The following MTHFD1L variants were observed in gnomAD, a reference collection of about 807,000 sequenced individuals.
The protein encoded by MTHFD1L is monofunctional C1-tetrahydrofolate synthase, mitochondrial.
MTHFD1L carries 81 observed loss-of-function variants against 119.5 expected under a neutral mutation model. The observed-to-expected ratio is 0.68, with a 90% confidence interval of 0.57 to 0.82. The LOEUF is 0.82. MTHFD1L is among the 40% of genes least tolerant of loss of function. The pLI is 0.00. For missense variants in MTHFD1L, 1,125 were observed against 1,253.4 expected, an observed-to-expected ratio of 0.90 and a Z score of 1.55; for synonymous variants, 430 against 475.2, an observed-to-expected ratio of 0.90 and a Z score of 1.24.
At chr6:151,076,803 C>T (rs1028353490) in intron 26 of MTHFD1L, among the ~76,000 whole-genome samples, 11 of 152,086 alleles carry the variant, frequency 7.2e-5, no homozygotes, top group African/African-American at 2.7e-4. Flanking sequence ...GTGCACCTGC[C>T]ATATAGTCAA....
chr6:150,883,493 GT>G (rs1422428640), intron 5 of MTHFD1L, among the ~76,000 whole-genome samples: 1 of 152,266 alleles, frequency 6.6e-6, no homozygotes, highest in Admixed American at 6.5e-5. Flanking sequence ...TCTTCTAATA[GT>G]TTTTTCCTTG....
chr6:150,869,728 T>C (rs757775855), intron 1 of MTHFD1L, among the ~76,000 whole-genome samples: 4 of 152,066 alleles, frequency 2.6e-5, no homozygotes, highest in East Asian at 1.9e-4. Flanking sequence ...TCTCCGAGGA[T>C]TGGAGCAAAG....
chr6:150,888,898 G>A (rs1341723293), intron 7 of MTHFD1L, among the ~76,000 whole-genome samples: 2 of 152,230 alleles, frequency 1.3e-5, no homozygotes, highest in African/African-American at 4.8e-5. Flanking sequence ...TTAAAGGCCG[G>A]GCGTGGTGGC....
rs1786732057 is a variant in MTHFD1L at position 151,039,562 on chromosome 6, A to G, written c.2847+2445A>G. Among the ~76,000 whole-genome samples the G allele has an allele frequency of 6.6e-6, 1 of 152,116 alleles. No individual in the cohort carries two copies. Among genetic ancestry groups the G allele is most frequent in the Admixed American group, 6.5e-5 (1 of 15,274 alleles). ...TGCCACTGTGCCAGGCCTGTGTATA[A>G]TTTAATTATACCTCAGTTAACAAAA... On this transcript the variant is annotated intron_variant, in intron 26 of 27. Transcript: ENST00000367321. The surrounding 1 kb of genome is among the most constrained non-coding windows in gnomAD (Gnocchi z 4.4).
At chr6:151,016,340 T>A (rs1783047728) in intron 24 of MTHFD1L, among the ~76,000 whole-genome samples, 1 of 152,020 alleles carries the variant, frequency 6.6e-6, no homozygotes, top group Non-Finnish European at 1.5e-5. Context: ...TTCTCTTTTT[T>A]TTTTTTGAGA....
At chr6:151,050,635 C>T (rs865934201) in intron 26 of MTHFD1L, among the ~76,000 whole-genome samples, 2 of 152,062 alleles carry the variant, frequency 1.3e-5, no homozygotes, top group African/African-American at 4.8e-5. Context: ...GTGGGGGGCA[C>T]TCGGCCCTGT....
At chr6:151,093,321 C>A (rs145274137) in intron 27 of MTHFD1L, among the ~76,000 whole-genome samples, 1 of 152,282 alleles carries the variant, frequency 6.6e-6, no homozygotes, top group Non-Finnish European at 1.5e-5. Context: ...GACCCCAGTC[C>A]TATTGGATTA....
intron 1 of MTHFD1L, among the ~76,000 whole-genome samples, chr6:150,871,871 A>T (rs142676704): frequency 0.045 from 6,690 of 148,030 alleles, 170 homozygotes; most frequent in Non-Finnish European, 0.064. Context: ...TTTTATTTTA[A>T]TTTAATTTTA....
intron 18 of MTHFD1L, among the ~76,000 whole-genome samples, chr6:150,963,538 C>T (rs1480999381): frequency 6.6e-6 from 1 of 152,098 alleles, no homozygotes; most frequent in Non-Finnish European, 1.5e-5. Flanking sequence ...GATTTTCTTA[C>T]ACCTTTTAAA....
At chr6:150,957,420 G>A (rs1442874507) in intron 17 of MTHFD1L, among the ~76,000 whole-genome samples, 2 of 152,200 alleles carry the variant, frequency 1.3e-5, no homozygotes, top group African/African-American at 2.4e-5. Context: ...TGCAGCGTTA[G>A]TGGGAGTAGA....
At chr6:151,056,080 A>C (rs1383184716) in intron 26 of MTHFD1L, 1 of 152,152 alleles carries the variant, frequency 6.6e-6, no homozygotes, top group Non-Finnish European at 1.5e-5. Context: ...AGATTTTCCT[A>C]CAGCTTTTCT....
At chr6:150,902,079 C>T (rs1785178050) in intron 7 of MTHFD1L, among the ~76,000 whole-genome samples, 1 of 152,054 alleles carries the variant, frequency 6.6e-6, no homozygotes, top group Admixed American at 6.6e-5. Context: ...ATACTGTCTT[C>T]TAGTCAAGAG....
intron 24 of MTHFD1L, among the ~76,000 whole-genome samples, chr6:151,025,066 C>G (rs1252782257): frequency 1.3e-5 from 2 of 152,226 alleles, no homozygotes; most frequent in African/African-American, 2.4e-5. Context: ...ATGTGGATTT[C>G]TTACTATTTC....
At chr6:150,867,280 C>T (rs1778559374) in intron 1 of MTHFD1L, among the ~76,000 whole-genome samples, 1 of 152,192 alleles carries the variant, frequency 6.6e-6, no homozygotes, top group Admixed American at 6.5e-5. Flanking sequence ...CAGCCTCCGC[C>T]TCCTGGGCTC....
intron 18 of MTHFD1L, among the ~76,000 whole-genome samples, chr6:150,962,614 G>A (rs1169061476): frequency 6.6e-6 from 1 of 152,196 alleles, no homozygotes; most frequent in African/African-American, 2.4e-5. Context: ...AGTGTGGAAT[G>A]CTAGCAGCAC....
intron 14 of MTHFD1L, 123 bp from the exon 15 acceptor site, chr6:150,945,344 A>G (rs943478060): frequency 2.9e-6 from 2 of 693,772 alleles, no homozygotes; most frequent in East Asian, 2.7e-5. Flanking sequence ...ACAAATTTTA[A>G]TAGGGTCTTT....
intron 27 of MTHFD1L, among the ~76,000 whole-genome samples, chr6:151,101,164 A>AT (rs1795338696): frequency 6.6e-6 from 1 of 152,162 alleles, no homozygotes; most frequent in Non-Finnish European, 1.5e-5. Flanking sequence ...GTCTCAAAAA[A>AT]TTAAAAAAAA....
At chr6:150,972,607 C>T (rs370877280) in intron 20 of MTHFD1L, among the ~76,000 whole-genome samples, 16 of 152,308 alleles carry the variant, frequency 1.1e-4, no homozygotes, top group East Asian at 9.7e-4. Context: ...AAGACCCTGC[C>T]TCTGTGAAAA....
intron 7 of MTHFD1L, chr6:150,898,885 TG>T: frequency 2.1e-6 from 1 of 484,200 alleles, no homozygotes; most frequent in Non-Finnish European, 3.3e-6. Flanking sequence ...GTCACCAGGC[TG>T]GAGTGCAGGC....
Sources: gnomAD v4.1 joint callset for allele counts (sites outside exome capture counted in the v4.1 genomes callset) on GRCh38, gnomAD v4.1.1 for gene constraint, Gnocchi (gnomAD v3.1) non-coding constraint, MANE v1.5 for transcripts, NCBI Gene and HGNC (gene_info 2026-07-23, HGNC 2026-07-21) for gene names.